The following ADAM22 variants were observed in gnomAD, a reference collection of about 807,000 sequenced individuals.
ADAM22 encodes the protein disintegrin and metalloproteinase domain-containing protein 22.
Under a neutral mutation model 144.6 loss-of-function variants are expected in ADAM22, and 65 were observed. The observed-to-expected ratio is 0.45, with a 90% CI of 0.37 to 0.55. ADAM22 has a LOEUF of 0.55. Among genes scored for constraint, ADAM22 ranks in the 20% least tolerant of loss-of-function variants. The pLI is 0.00. For missense variants in ADAM22, 974 were observed against 1,184.9 expected (o/e 0.82, Z 2.61); for synonymous variants, 391 against 412.6 (o/e 0.95, Z 0.63).
At chr7:88,099,140 C>A (rs1332049480) in intron 4 of ADAM22, among the ~76,000 whole-genome samples, 3 of 152,166 alleles carry the variant, frequency 2.0e-5, no homozygotes, top group African/African-American at 7.2e-5. Context: ...GAGTCTTACT[C>A]TTAACAGATC....
intron 2 of ADAM22, among the ~76,000 whole-genome samples, chr7:87,970,589 A>G (rs1203147339): frequency 6.6e-6 from 1 of 152,184 alleles, no homozygotes; most frequent in African/African-American, 2.4e-5. Context: ...TGCTTTAAAA[A>G]TTGGTTATCA....
chr7:88,046,046 T>C (rs754481815), intron 3 of ADAM22, among the ~76,000 whole-genome samples: 1 of 152,140 alleles, frequency 6.6e-6, no homozygotes, highest in Non-Finnish European at 1.5e-5. Context: ...GATATCTCTT[T>C]GACATACTGA....
At position 88,131,435 on chromosome 7, in the gene ADAM22, C is replaced by T. The variant is rs370014529; in HGVS notation, c.992C>T (p.Ser331Leu). ...KEKSDAVHLFSGSQFESSRSG... is the reference protein window; with the variant it reads ...KEKSDAVHLFLGSQFESSRSG... Reference sequence around the variant, plus strand: ...AAAAGTGATGCAGTTCACCTTTTTTCGTACGTAACTTCTGTAATGATGTAT... The same window carrying T: ...AAAAGTGATGCAGTTCACCTTTTTTTGTACGTAACTTCTGTAATGATGTAT... Residue 331 changes from serine (S) to leucine (L), a missense_variant and splice_region_variant, in exon 11 of 32, where the codon TCG becomes TTG. This residue lies in a region of ADAM22 where 734 missense variants were observed against 950.6 expected (regional missense o/e 0.77). Transcript: ENST00000413139. The T allele has an allele frequency of 2.4e-5, 38 of 1,613,204 alleles. 1 individual carries two copies. Among genetic ancestry groups the T allele is most frequent in the Admixed American group, 8.3e-5 (5 of 59,950 alleles).
chr7:88,115,668 G>A (rs1277418181), intron 6 of ADAM22, among the ~76,000 whole-genome samples: 2 of 152,052 alleles, frequency 1.3e-5, no homozygotes, highest in African/African-American at 4.8e-5. Context: ...TGGGTGCCAG[G>A]GCCTCAATAT....
intron 25 of ADAM22, among the ~76,000 whole-genome samples, chr7:88,170,909 G>T (rs1263629917): frequency 6.6e-6 from 1 of 151,942 alleles, no homozygotes; most frequent in Non-Finnish European, 1.5e-5. Context: ...CATTTAAGTC[G>T]ATTTTAGCTT....
rs185674933 is a variant in ADAM22 at position 88,141,216 on chromosome 7, G to C, written c.1221-1810G>C. Among the ~76,000 whole-genome samples the C allele has an allele frequency of 1.1e-4, 16 of 152,300 alleles. No homozygotes were observed. In the East Asian group the frequency reaches 3.1e-3, roughly 29 times the overall value. On this transcript the variant is annotated intron_variant, in intron 14 of 31. Transcript: ENST00000413139. Reference sequence around the variant, plus strand: ...CACAAAGTGTGGGAAAGAGCAGGCTGCAAGGCAGGAGGCTGTAAAACAGGC... The same window carrying C: ...CACAAAGTGTGGGAAAGAGCAGGCTCCAAGGCAGGAGGCTGTAAAACAGGC...
intron 2 of ADAM22, among the ~76,000 whole-genome samples, chr7:87,974,105 A>G (rs1306863932): frequency 6.6e-6 from 1 of 151,014 alleles, no homozygotes; most frequent in African/African-American, 2.4e-5. Flanking sequence ...AAATTAAAAA[A>G]AAAAAAAGAG....
At chr7:88,174,733 TA>T (rs904243991) in intron 26 of ADAM22, among the ~76,000 whole-genome samples, 1 of 152,128 alleles carries the variant, frequency 6.6e-6, no homozygotes, top group Non-Finnish European at 1.5e-5. Flanking sequence ...ATGAGAAATA[TA>T]AAAAATAATT....
At chr7:88,176,600 A>C (rs1487555179) in intron 26 of ADAM22, among the ~76,000 whole-genome samples, 1 of 152,166 alleles carries the variant, frequency 6.6e-6, no homozygotes, top group Non-Finnish European at 1.5e-5. Flanking sequence ...TCCATTGTGA[A>C]ACATAGTCCA....
chr7:88,114,143 A>G (rs1473078069), intron 5 of ADAM22, among the ~76,000 whole-genome samples: 1 of 152,106 alleles, frequency 6.6e-6, no homozygotes, highest in Non-Finnish European at 1.5e-5. Flanking sequence ...TGTTTATGGT[A>G]GGTCGGGCGT....
At chr7:88,079,149 T>C (rs558261519) in intron 4 of ADAM22, among the ~76,000 whole-genome samples, 3 of 152,296 alleles carry the variant, frequency 2.0e-5, no homozygotes, top group South Asian at 2.1e-4. Context: ...GCTGATCTCT[T>C]GGCAGAAACT....
chr7:88,144,311 A>G (rs1835692976), intron 15 of ADAM22, among the ~76,000 whole-genome samples: 1 of 152,174 alleles, frequency 6.6e-6, no homozygotes. Flanking sequence ...GCATATAACA[A>G]TTATTTACTA....
intron 26 of ADAM22, among the ~76,000 whole-genome samples, chr7:88,176,584 G>A (rs1208028574): frequency 6.6e-6 from 1 of 152,016 alleles, no homozygotes; most frequent in Non-Finnish European, 1.5e-5. Flanking sequence ...ACAAAACTGG[G>A]CCCCATCCAT....
intron 3 of ADAM22, among the ~76,000 whole-genome samples, chr7:88,046,925 A>G (rs765111136): frequency 2.0e-5 from 3 of 151,588 alleles, no homozygotes; most frequent in Admixed American, 6.6e-5. Flanking sequence ...TTTCATTAAT[A>G]GTGGAATGTG....
chr7:87,983,933 A>C (rs553746184), intron 3 of ADAM22, among the ~76,000 whole-genome samples: 9 of 152,198 alleles, frequency 5.9e-5, no homozygotes, highest in African/African-American at 2.2e-4. Flanking sequence ...AGGCCTGTAG[A>C]TAGGTTTGGA....
intron 1 of ADAM22, 111 bp from the exon 2 acceptor site, chr7:87,934,915 G>T: frequency 2.0e-6 from 3 of 1,470,102 alleles, no homozygotes; most frequent in South Asian, 1.2e-5. Context: ...GGAGGGGGCG[G>T]TGGGGATTTT....
At chr7:88,144,594 G>A (rs375315070) in intron 15 of ADAM22, among the ~76,000 whole-genome samples, 1 of 151,940 alleles carries the variant, frequency 6.6e-6, no homozygotes, top group East Asian at 1.9e-4. Context: ...AGTAATAAAG[G>A]GTTTTTTCAC....
rs776499590 is a variant in ADAM22 at position 88,128,625 on chromosome 7, A to G, written c.702A>G (p.Val234=). 2 of 1,611,604 alleles carry G rather than the reference A, an allele frequency of 1.2e-6. No individual in the cohort carries two copies. Among genetic ancestry groups the G allele is most frequent in the Admixed American group, 1.7e-5 (1 of 59,888 alleles). Residue 234 remains valine (V), a synonymous_variant, in exon 9 of 32, where the codon GTA becomes GTG. Coordinates refer to ENST00000413139, the MANE Select transcript of ADAM22 (RefSeq NM_001324418.2). ...AGCTTCGTCGATATCCTCGTAATGT[A>G]GAAGAAGAAACCAAATACATTGAAC... ...KRQLRRYPRN[V]EEETKYIELM...
intron 3 of ADAM22, among the ~76,000 whole-genome samples, chr7:87,995,638 A>G (rs972077367): frequency 4.6e-5 from 7 of 152,152 alleles, no homozygotes; most frequent in African/African-American, 1.7e-4. Flanking sequence ...AGAATCGCTG[A>G]TGGATGTGAC....
Sources: allele counts gnomAD v4.1 joint callset (sites outside exome capture counted in the v4.1 genomes callset), GRCh38; gene constraint gnomAD v4.1.1; regional missense constraint gnomAD v4.1.1; transcripts MANE v1.5; gene names NCBI Gene and HGNC (gene_info 2026-07-23, HGNC 2026-07-21).